Variants in ZNF609 observed in about 807,000 individuals in gnomAD.
ZNF609 encodes the protein zinc finger protein 609.
A neutral mutation model predicts 109.5 loss-of-function variants in ZNF609; 11 were observed. The observed-to-expected ratio is 0.10, with a 90% CI of 0.06 to 0.17. ZNF609 has a LOEUF of 0.17. Among genes scored for constraint, ZNF609 ranks in the 10% least tolerant of loss-of-function variants. ZNF609 has a pLI of 1.00. For synonymous variants in ZNF609, 646 were observed against 662.0 expected, an observed-to-expected ratio of 0.98 and a Z score of 0.37; for missense variants, 1,559 against 1,772.4, an observed-to-expected ratio of 0.88 and a Z score of 2.16.
At chr15:64,534,083 C>G (rs868246571) in intron 2 of ZNF609, among the ~76,000 whole-genome samples, 24 of 151,508 alleles carry the variant, frequency 1.6e-4, no homozygotes, top group African/African-American at 5.8e-4. Context: ...ACAACCTCAG[C>G]TCACCGCAAC....
At chr15:64,608,180 A>G (rs968430898) in intron 2 of ZNF609, among the ~76,000 whole-genome samples, 11 of 152,072 alleles carry the variant, frequency 7.2e-5, no homozygotes, top group Non-Finnish European at 1.6e-4. Context: ...TACAAGCCTG[A>G]GCCACCATGC....
chr15:64,677,388 C>G (rs1236386545), intron 5 of ZNF609, among the ~76,000 whole-genome samples: 1 of 152,030 alleles, frequency 6.6e-6, no homozygotes, highest in African/African-American at 2.4e-5. Flanking sequence ...GGTGTTTTTT[C>G]CATTTGACAG....
At chr15:64,527,732 A>T (rs78836024) in intron 2 of ZNF609, among the ~76,000 whole-genome samples, 1,976 of 152,260 alleles carry the variant, frequency 0.013, 33 homozygotes, top group African/African-American at 0.046. Flanking sequence ...CCCAAACTAG[A>T]AACTTGTGAG....
chr15:64,539,320 G>A (rs930551399), intron 2 of ZNF609, among the ~76,000 whole-genome samples: 3 of 151,570 alleles, frequency 2.0e-5, no homozygotes, highest in African/African-American at 7.3e-5. Flanking sequence ...CCATTCTCCT[G>A]CCTCAGCCTC....
chr15:64,644,981 T>TTCTTTCTTTCTTTCTTTC lies in ZNF609; in HGVS notation c.973+21930_973+21931insCTTTCTTTCTTTCTTTCT, dbSNP rs67157103. ...TTCTTTTCTTTTCTTCTTTCTTTCT[T>TTCTTTCTTTCTTTCTTTC]TTTCTTTCTTTCTTTCTTTCTTTCT... On this transcript the variant is annotated intron_variant, in intron 3 of 9. Transcript: ENST00000326648. 2.2e-3 allele frequency among the ~76,000 whole-genome samples: 305 copies of TTCTTTCTTTCTTTCTTTC among 139,642 alleles called. 2 individuals are homozygous for TTCTTTCTTTCTTTCTTTC. The highest frequency in any genetic ancestry group is 6.4e-3 in the African/African-American group (208 of 32,280). 91.6% of individuals were successfully genotyped at this position (139,642 alleles called of 152,430 possible).
intron 2 of ZNF609, among the ~76,000 whole-genome samples, chr15:64,585,066 T>TCAAAAAAA (rs1895173986): frequency 6.6e-6 from 1 of 151,188 alleles, no homozygotes; most frequent in Non-Finnish European, 1.5e-5. Flanking sequence ...GGCTCATGCC[T>TCAAAAAAA]ATAATCCCAG....
chr15:64,642,037 T>C (rs1234490685), intron 3 of ZNF609, among the ~76,000 whole-genome samples: 1 of 152,168 alleles, frequency 6.6e-6, no homozygotes, highest in East Asian at 1.9e-4. Flanking sequence ...GATAAAAACC[T>C]AGAGATGTTG....
intron 3 of ZNF609, chr15:64,631,303 T>C: frequency 1.5e-6 from 1 of 673,058 alleles, no homozygotes; most frequent in Admixed American, 1.9e-5. Context: ...AGAGAGTGAG[T>C]GCTTAATGTG....
chr15:64,490,992 A>G (rs1346781247), intron 1 of ZNF609, among the ~76,000 whole-genome samples: 1 of 152,250 alleles, frequency 6.6e-6, no homozygotes, highest in Non-Finnish European at 1.5e-5. Context: ...TAGGTGACAC[A>G]TGGTCAGATA....
intron 2 of ZNF609, among the ~76,000 whole-genome samples, chr15:64,559,849 T>G (rs1226823833): frequency 6.6e-6 from 1 of 152,194 alleles, no homozygotes; most frequent in Non-Finnish European, 1.5e-5. Flanking sequence ...ATTCACCCAC[T>G]TTGTGATGTA....
At position 64,675,593 on chromosome 15, in the gene ZNF609, C is replaced by T. The variant is rs1442070850; in HGVS notation, c.2739C>T (p.Pro913=). The T allele has an allele frequency of 3.1e-6, 5 of 1,614,000 alleles. No homozygotes were observed. The African/African-American group carries it at 5.3e-5, about 17-fold the overall frequency. ...AGTCCAGCCCTGGGGCTCTGAACCCCAGCAGCCAGGCAGGAGTGGAGAGCC... is the reference window on the plus strand; with the variant it reads ...AGTCCAGCCCTGGGGCTCTGAACCCTAGCAGCCAGGCAGGAGTGGAGAGCC... The part of the protein sequence containing the change: ...YAQSSPGALN[P]SSQAGVESQA... Residue 913 remains proline, a synonymous_variant, in exon 5 of 10, where the codon CCC becomes CCT. Transcript: ENST00000326648.
At position 64,625,934 on chromosome 15, in the gene ZNF609, TATAGAGAGAG is replaced by T. The variant is rs1365800028; in HGVS notation, c.973+2884_973+2893del. ...AAAAAAATATATATATATATATATA[TATAGAGAGAG>T]AGAGAGAGAGAGAGAGAGAGAGAGA... On this transcript the variant is annotated intron_variant, in intron 3 of 9. Coordinates refer to ENST00000326648, the MANE Select transcript of ZNF609 (RefSeq NM_015042.2). 8.2e-3 allele frequency among the ~76,000 whole-genome samples: 582 copies of T among 71,024 alleles called. 1 individual carries two copies. Among genetic ancestry groups the T allele is most frequent in the African/African-American group, 0.022 (401 of 17,872 alleles). 46.6% of individuals were successfully genotyped at this position (71,024 alleles called of 152,430 possible). A position where few individuals can be genotyped will look rare whatever the true frequency, so the allele number is the denominator to read the frequency against.
chr15:64,582,782 C>G (rs1418885587), intron 2 of ZNF609, among the ~76,000 whole-genome samples: 2 of 97,260 alleles, frequency 2.1e-5, no homozygotes, highest in African/African-American at 8.2e-5. Context: ...GACAGAGTCT[C>G]GCTTTGTCAC....
At chr15:64,493,880 A>G (rs1453048179) in intron 1 of ZNF609, among the ~76,000 whole-genome samples, 1 of 152,154 alleles carries the variant, frequency 6.6e-6, no homozygotes, top group Non-Finnish European at 1.5e-5. Context: ...CCTGTCAAAG[A>G]GTTGATTATT....
chr15:64,562,201 G>C (rs1894692352), intron 2 of ZNF609, among the ~76,000 whole-genome samples: 1 of 152,190 alleles, frequency 6.6e-6, no homozygotes, highest in Non-Finnish European at 1.5e-5. Context: ...ATAGTGCCAA[G>C]AACATTGATA....
intron 3 of ZNF609, among the ~76,000 whole-genome samples, chr15:64,626,174 TTTTATTCTCTTTTTCTGAAAGAGAAC>T (rs2140976397): frequency 6.6e-6 from 1 of 152,120 alleles, no homozygotes; most frequent in South Asian, 2.1e-4. Flanking sequence ...TCTTTCTTTA[TTTTATTCTCTTTTTCTGAAAGAGAAC>T]TGTTCAGCAA....
intron 1 of ZNF609, among the ~76,000 whole-genome samples, chr15:64,498,424 C>G (rs376067562): frequency 2.0e-4 from 31 of 152,228 alleles, no homozygotes; most frequent in African/African-American, 7.2e-4. Flanking sequence ...GGTGTGAGGC[C>G]TGGTGTTTGT....
intron 1 of ZNF609, chr15:64,471,418 G>GT (rs1893089996): frequency 6.6e-6 from 1 of 151,734 alleles, no homozygotes; most frequent in Non-Finnish European, 1.5e-5. Context: ...GGCAAAACTT[G>GT]TTTGTTTTGG....
intron 1 of ZNF609, among the ~76,000 whole-genome samples, chr15:64,488,303 C>T (rs1312855274): frequency 6.6e-6 from 1 of 152,050 alleles, no homozygotes; most frequent in East Asian, 1.9e-4. Flanking sequence ...AGGAGAAATG[C>T]CAGCGGGGCA....
Sources: allele counts gnomAD v4.1 joint callset (sites outside exome capture counted in the v4.1 genomes callset), GRCh38; gene constraint gnomAD v4.1.1; transcripts MANE v1.5; gene names NCBI Gene and HGNC (gene_info 2026-07-23, HGNC 2026-07-21).